Variants in RASGEF1C observed in about 807,000 individuals in gnomAD.
RASGEF1C encodes RasGEF domain family member 1C, also known as ras-GEF domain-containing family member 1C.
In RASGEF1C, 27 loss-of-function variants were observed where a neutral mutation model predicts 58.1. The observed-to-expected ratio is 0.46, with a 90% CI of 0.34 to 0.64. RASGEF1C has a LOEUF of 0.64. RASGEF1C is among the 30% of genes least tolerant of loss of function. The pLI is 0.01. For missense variants in RASGEF1C, 502 were observed against 605.1 expected, an observed-to-expected ratio of 0.83 and a Z score of 1.79; for synonymous variants, 243 against 246.3, an observed-to-expected ratio of 0.99 and a Z score of 0.13.
chr5:180,129,948 G>C (rs1327929937), intron 4 of RASGEF1C, among the ~76,000 whole-genome samples: 1 of 152,192 alleles, frequency 6.6e-6, no homozygotes, highest in Non-Finnish European at 1.5e-5. Flanking sequence ...GTGCCCCTGA[G>C]GGGTGGCCAC....
chr5:180,166,582 C>A (rs149481214), intron 1 of RASGEF1C, among the ~76,000 whole-genome samples: 1,524 of 150,670 alleles, frequency 0.01, 28 homozygotes, highest in African/African-American at 0.036. Flanking sequence ...ATGGCACGAT[C>A]TCAGCTCACT....
intron 1 of RASGEF1C, among the ~76,000 whole-genome samples, chr5:180,167,606 T>G (rs1478303097): frequency 6.6e-6 from 1 of 152,250 alleles, no homozygotes; most frequent in African/African-American, 2.4e-5. Context: ...TGTGACTTTC[T>G]AGCTTTCCAT....
At chr5:180,183,414 A>C (rs1755944433) in intron 1 of RASGEF1C, among the ~76,000 whole-genome samples, 1 of 152,216 alleles carries the variant, frequency 6.6e-6, no homozygotes. Context: ...TAACACAGCA[A>C]AGGGATATAG....
chr5:180,115,307 ATTTAAC>A, intron 10 of RASGEF1C: 2 of 435,888 alleles, frequency 4.6e-6, no homozygotes, highest in South Asian at 1.6e-5. Flanking sequence ...AAAAAAAAAA[ATTTAAC>A]AATTTGTCCC....
intron 1 of RASGEF1C, among the ~76,000 whole-genome samples, chr5:180,204,323 G>A (rs903844865): frequency 6.6e-6 from 1 of 152,054 alleles, no homozygotes; most frequent in African/African-American, 2.4e-5. Context: ...TGGGTCATAT[G>A]GTATTTTTAT....
chr5:180,157,897 T>C (rs748097479), intron 1 of RASGEF1C, among the ~76,000 whole-genome samples: 2 of 152,166 alleles, frequency 1.3e-5, no homozygotes. Context: ...TGTGACATTA[T>C]TGTCAAAACC....
At position 180,137,135 on chromosome 5, in the gene RASGEF1C, G is replaced by A. The variant is rs1277451038; in HGVS notation, c.300+455C>T. Reference sequence around the variant, plus strand: ...AGCCAGCGGTCCCTGAGATAGGGCAGGTACACGGGCCAGCTAAGTCCTTTT... The same window carrying A: ...AGCCAGCGGTCCCTGAGATAGGGCAAGTACACGGGCCAGCTAAGTCCTTTT... On this transcript the variant is annotated intron_variant, in intron 3 of 13. Transcript: ENST00000361132. This position sits in a 1 kb window ranked among gnomAD's most constrained non-coding sequence, Gnocchi z 4.1. Among the ~76,000 whole-genome samples, 1 of 152,202 alleles carries A rather than the reference G, an allele frequency of 6.6e-6. No homozygotes were observed. The highest frequency in any genetic ancestry group is 1.9e-4 in the East Asian group (1 of 5,184).
At position 180,147,556 on chromosome 5, in the gene RASGEF1C, A is replaced by T. The variant is rs1051843559; in HGVS notation, c.-6-9498T>A. 5.9e-5 allele frequency among the ~76,000 whole-genome samples: 9 copies of T among 152,198 alleles called. No homozygotes were observed. The East Asian group carries it at 1.5e-3, about 26-fold the overall frequency. ...TCCCTTGGGACTTGTTCTTCAATGC[A>T]TAGGTTGTTTAAGAATGTGTTGTTT... On this transcript the variant is annotated intron_variant, in intron 1 of 13. Transcript: ENST00000361132.
Position 180,145,519 on chromosome 5 carries a change from A to G in RASGEF1C, c.-6-7461T>C, listed in dbSNP as rs554051254. ...GTTTTCTGCTTTTTTGATAATGGCC[A>G]TCCTAATGGGTGGGAAGTGGTATCT... On this transcript the variant is annotated intron_variant, in intron 1 of 13. Coordinates refer to ENST00000361132, the MANE Select transcript of RASGEF1C (RefSeq NM_175062.4). Among the ~76,000 whole-genome samples, 4 of 152,320 alleles carry G rather than the reference A, an allele frequency of 2.6e-5. No homozygotes were observed. The South Asian group carries it at 8.3e-4, about 32-fold the overall frequency.
At chr5:180,205,737 T>C (rs568553955) in intron 1 of RASGEF1C, among the ~76,000 whole-genome samples, 9 of 151,470 alleles carry the variant, frequency 5.9e-5, no homozygotes, top group African/African-American at 2.2e-4. Flanking sequence ...TTATTATTAT[T>C]ATTATTTTGA....
chr5:180,107,761 A>G (rs1765894621), intron 12 of RASGEF1C, among the ~76,000 whole-genome samples: 2 of 152,162 alleles, frequency 1.3e-5, no homozygotes, highest in African/African-American at 4.8e-5. Flanking sequence ...GGCATGTGCC[A>G]CCACAGCTGG....
In RASGEF1C at chr5:180,137,611, C is replaced by T; in HGVS notation, c.279G>A (p.Leu93=). 1 of 1,608,458 alleles carries T rather than the reference C, an allele frequency of 6.2e-7. No homozygotes were observed. Among genetic ancestry groups the T allele is most frequent in the South Asian group, 1.1e-5 (1 of 90,688 alleles). ...VCHLCIEQQQ[L]DKPVLDKARV... ...TCACCTTGTCCAGCACCGGCTTGTCCAGCTGCTGCTGCTCGATGCACAGGT... is the reference window on the plus strand; with the variant it reads ...TCACCTTGTCCAGCACCGGCTTGTCTAGCTGCTGCTGCTCGATGCACAGGT... Residue 93 remains leucine (L), a synonymous_variant, in exon 3 of 14, where the codon CTG becomes CTA. Coordinates refer to ENST00000361132, the MANE Select transcript of RASGEF1C (RefSeq NM_175062.4). This position sits in a 1 kb window ranked among gnomAD's most constrained non-coding sequence, Gnocchi z 4.1.
chr5:180,118,950 G>T, intron 8 of RASGEF1C, 84 bp from the exon 9 acceptor site: 2 of 1,287,818 alleles, frequency 1.6e-6, no homozygotes, highest in South Asian at 1.2e-5. Flanking sequence ...ACTGCACCCT[G>T]ACCAGGGCTG....
intron 1 of RASGEF1C, among the ~76,000 whole-genome samples, chr5:180,142,689 C>A (rs554917106): frequency 6.6e-6 from 1 of 152,184 alleles, no homozygotes; most frequent in African/African-American, 2.4e-5. Context: ...GAGGGGAAAA[C>A]AGCAGGAGAG....
chr5:180,165,599 A>G (rs145907830), intron 1 of RASGEF1C, among the ~76,000 whole-genome samples: 1 of 151,228 alleles, frequency 6.6e-6, no homozygotes, highest in Non-Finnish European at 1.5e-5. Context: ...TGAACCCAGG[A>G]AGTGGAGGTT....
At chr5:180,130,257 T>C (rs1049329352) in intron 4 of RASGEF1C, among the ~76,000 whole-genome samples, 4 of 152,288 alleles carry the variant, frequency 2.6e-5, no homozygotes, top group East Asian at 1.9e-4. Flanking sequence ...CGCTGGGTAA[T>C]TGAAGTGGCC....
In RASGEF1C at chr5:180,177,440, G is replaced by A. The variant is rs1767249609; in HGVS notation, c.-7+31588C>T. Among the ~76,000 whole-genome samples, 1 of 152,232 alleles carries A rather than the reference G, an allele frequency of 6.6e-6. No individual in the cohort carries two copies. Reference sequence around the variant, plus strand: ...CCTGCGCAATCTGCCCGGCTGGGCCGCAGCAGTCCACGGGCAGGGCAGAGC... The same window carrying A: ...CCTGCGCAATCTGCCCGGCTGGGCCACAGCAGTCCACGGGCAGGGCAGAGC... On this transcript the variant is annotated intron_variant, in intron 1 of 13. Transcript: ENST00000361132. This position sits in a 1 kb window ranked among gnomAD's most constrained non-coding sequence, Gnocchi z 5.0.
chr5:180,172,052 T>G (rs1767116028), intron 1 of RASGEF1C, among the ~76,000 whole-genome samples: 1 of 152,202 alleles, frequency 6.6e-6, no homozygotes, highest in Non-Finnish European at 1.5e-5. Flanking sequence ...TACCCTTACA[T>G]TCATAGGAAT....
chr5:180,102,149 C>T lies in RASGEF1C; in HGVS notation c.1304-6G>A, dbSNP rs1206838161. On this transcript the variant is annotated splice_polypyrimidine_tract_variant and splice_region_variant and intron_variant, in intron 12 of 13. Coordinates refer to ENST00000361132, the MANE Select transcript of RASGEF1C (RefSeq NM_175062.4). Reference sequence around the variant, plus strand: ...GTAAGAAGCCAAATAAAGACCTAGACAGAAAATGAAGTGAAATTTCACAAT... The same window carrying T: ...GTAAGAAGCCAAATAAAGACCTAGATAGAAAATGAAGTGAAATTTCACAAT... The T allele has an allele frequency of 3.9e-6, 6 of 1,536,634 alleles. No individual in the cohort carries two copies. Among genetic ancestry groups the T allele is most frequent in the Non-Finnish European group, 4.5e-6 (5 of 1,110,134 alleles).
Sources: allele counts gnomAD v4.1 joint callset (sites outside exome capture counted in the v4.1 genomes callset), GRCh38; gene constraint gnomAD v4.1.1; non-coding constraint Gnocchi (gnomAD v3.1); transcripts MANE v1.5; gene names NCBI Gene and HGNC (gene_info 2026-07-23, HGNC 2026-07-21).